The following PCDHA5 variants were observed in gnomAD, a reference collection of about 807,000 sequenced individuals.
PCDHA5 encodes protocadherin alpha 5.
In PCDHA5, 43 loss-of-function variants were observed where a neutral mutation model predicts 61.6. That is an observed-to-expected ratio of 0.70 (90% CI 0.55 to 0.90). The LOEUF is 0.90. PCDHA5 is among the 40% of genes least tolerant of loss of function. The pLI is 0.00. For missense variants in PCDHA5, 1,298 were observed against 1,222.7 expected (o/e 1.06, Z -0.92); for synonymous variants, 627 against 543.9 (o/e 1.15, Z -2.13).
At chr5:140,839,812 A>G (rs2150301074) in intron 1 of PCDHA5, among the ~76,000 whole-genome samples, 1 of 152,032 alleles carries the variant, frequency 6.6e-6, no homozygotes, top group African/African-American at 2.4e-5. Flanking sequence ...TTAATTGCCT[A>G]CTATGAAGGC....
intron 3 of PCDHA5, among the ~76,000 whole-genome samples, chr5:141,001,365 T>C (rs577695639): frequency 6.6e-6 from 1 of 152,354 alleles, no homozygotes; most frequent in African/African-American, 2.4e-5. Context: ...AGCCTACTAT[T>C]CTGATTACAG....
intron 1 of PCDHA5, among the ~76,000 whole-genome samples, chr5:140,897,646 C>T (rs1336141431): frequency 1.3e-5 from 2 of 152,128 alleles, no homozygotes; most frequent in African/African-American, 4.8e-5. Flanking sequence ...CCACAATAAA[C>T]ATACGTGTGC....
intron 1 of PCDHA5, among the ~76,000 whole-genome samples, chr5:140,978,488 C>A (rs1453613410): frequency 6.6e-6 from 1 of 152,224 alleles, no homozygotes; most frequent in African/African-American, 2.4e-5. Context: ...TCTGCAAAGC[C>A]AGCAGCAGAT....
At chr5:140,857,887 G>A (rs2044983684) in intron 1 of PCDHA5, 6 of 1,597,818 alleles carry the variant, frequency 3.8e-6, no homozygotes, top group Middle Eastern at 1.7e-4. Flanking sequence ...TGCAGTCGGC[G>A]GCGGTTGGTG....
At chr5:140,836,559 CCGT>C in intron 1 of PCDHA5, 1 of 1,613,740 alleles carries the variant, frequency 6.2e-7, no homozygotes, top group Non-Finnish European at 8.5e-7. Flanking sequence ...GTGCTCAGCG[CCGT>C]CCTCTGAGGG....
Position 140,834,581 on chromosome 5 carries a change from G to A in PCDHA5, c.2352+10454G>A, listed in dbSNP as rs1554134342. On this transcript the variant is annotated intron_variant, in intron 1 of 3. Coordinates refer to ENST00000529859, the MANE Select transcript of PCDHA5 (RefSeq NM_018908.3). The stretch of plus-strand genomic sequence containing the variant: ...AGCTGGTGCCGCGCCTGTTCCGGGC[G>A]GTGTGCAAATTCCGTGGGGATCTTC... The A allele has an allele frequency of 3.1e-6, 5 of 1,614,006 alleles. No individual in the cohort carries two copies. In the East Asian group the frequency reaches 6.7e-5, roughly 22 times the overall value.
rs1554164208 is a variant in PCDHA5 at position 140,870,406 on chromosome 5, T to G, written c.2352+46279T>G. ...GCGGGATGGGGGTTCGCCTTCTCTG[T>G]GGGCCACGGCCAGGGTATCCGTGGA... On this transcript the variant is annotated intron_variant, in intron 1 of 3. Transcript: ENST00000529859. 1.2e-5 allele frequency: 20 copies of G among 1,614,192 alleles called. No individual in the cohort carries two copies. The highest frequency in any genetic ancestry group is 1.5e-5 in the Non-Finnish European group (18 of 1,180,034).
chr5:140,838,117 TGTG>T (rs1554136891), intron 1 of PCDHA5, among the ~76,000 whole-genome samples: 5 of 149,868 alleles, frequency 3.3e-5, no homozygotes, highest in Non-Finnish European at 7.4e-5. Flanking sequence ...TGTGTGTGTG[TGTG>T]TGTGTGTGTG....
chr5:140,849,776 G>C, intron 1 of PCDHA5: 1 of 1,598,464 alleles, frequency 6.3e-7, no homozygotes, highest in Non-Finnish European at 8.6e-7. Context: ...TGGTTACCGC[G>C]CGGGACGGGG....
rs782676713 is a variant in PCDHA5 at position 140,968,215 on chromosome 5, G to A, written c.2353-10734G>A. 3 of 1,613,862 alleles carry A rather than the reference G, an allele frequency of 1.9e-6. 1 individual carries two copies. The highest frequency in any genetic ancestry group is 2.5e-6 in the Non-Finnish European group (3 of 1,180,046). On this transcript the variant is annotated intron_variant, in intron 1 of 3. Transcript: ENST00000529859. ...CCATCTACATACAGGAGAACAATTT[G>A]CCAGGTGTGTTGCTCTGTACTGTGC... is the stretch of plus-strand genomic sequence containing the variant.
chr5:140,917,314 G>A (rs1554197960), intron 1 of PCDHA5, among the ~76,000 whole-genome samples: 1 of 142,492 alleles, frequency 7.0e-6, no homozygotes, highest in African/African-American at 2.6e-5. Context: ...ACAATTTGGT[G>A]TTCATGTGGC....
At chr5:140,960,728 A>G (rs200453950) in intron 1 of PCDHA5, among the ~76,000 whole-genome samples, 1 of 30,214 alleles carries the variant, frequency 3.3e-5, no homozygotes, top group African/African-American at 2.6e-4. Flanking sequence ...ATTTTAGTCC[A>G]TGATTTTAGT....
At chr5:140,827,588 A>G (rs1422451119) in intron 1 of PCDHA5, among the ~76,000 whole-genome samples, 13 of 152,256 alleles carry the variant, frequency 8.5e-5, no homozygotes, top group Non-Finnish European at 1.9e-4. Flanking sequence ...TGTCCTAGGA[A>G]AGACAGATGT....
intron 1 of PCDHA5, among the ~76,000 whole-genome samples, chr5:140,936,053 C>A (rs576745037): frequency 1.3e-5 from 2 of 151,934 alleles, no homozygotes; most frequent in African/African-American, 4.8e-5. Context: ...CCACCACACC[C>A]GGCTAATTTT....
At chr5:140,857,346 C>T (rs782309251) in intron 1 of PCDHA5, 1 of 1,598,444 alleles carries the variant, frequency 6.3e-7, no homozygotes, top group South Asian at 1.1e-5. Flanking sequence ...GGCTCGCCTC[C>T]GCTGTGGGCC....
chr5:140,891,861 T>C (rs1346164388), intron 1 of PCDHA5, among the ~76,000 whole-genome samples: 1 of 152,174 alleles, frequency 6.6e-6, no homozygotes, highest in Non-Finnish European at 1.5e-5. Context: ...GTCCCTCTCT[T>C]ATGCTTTTGG....
chr5:140,880,419 G>A (rs1554171271), intron 1 of PCDHA5, among the ~76,000 whole-genome samples: 2 of 152,106 alleles, frequency 1.3e-5, no homozygotes, highest in Non-Finnish European at 2.9e-5. Context: ...TTAAAAGCGG[G>A]AACAGTTTTT....
chr5:140,877,015 G>T lies in PCDHA5; in HGVS notation c.2352+52888G>T, dbSNP rs371309003. The T allele has an allele frequency of 1.6e-5, 26 of 1,612,358 alleles. No individual in the cohort carries two copies. Among genetic ancestry groups the T allele is most frequent in the African/African-American group, 4.0e-5 (3 of 74,900 alleles). On this transcript the variant is annotated intron_variant, in intron 1 of 3. Transcript: ENST00000529859. The stretch of plus-strand genomic sequence containing the variant: ...CTACGTGTCGGTGCACGCGGAGAGC[G>T]GCAAGGTGTACGCGCTGCAGCCGCT...
intron 1 of PCDHA5, among the ~76,000 whole-genome samples, chr5:140,972,712 G>T (rs1409880262): frequency 6.9e-6 from 1 of 144,630 alleles, no homozygotes; most frequent in East Asian, 2.0e-4. Context: ...TTGCCAGGCT[G>T]GAGTGCAGTG....
Sources: gnomAD v4.1 joint callset for allele counts (sites outside exome capture counted in the v4.1 genomes callset) on GRCh38, gnomAD v4.1.1 for gene constraint, MANE v1.5 for transcripts, NCBI Gene and HGNC (gene_info 2026-07-23, HGNC 2026-07-21) for gene names.